Variants in TPRG1 observed in about 807,000 individuals in gnomAD.
TPRG1 encodes the protein tumor protein p63 regulated 1.
Under a neutral mutation model 29.3 loss-of-function variants are expected in TPRG1, and 29 were observed. The observed-to-expected ratio is 0.99, with a 90% CI of 0.74 to 1.35. TPRG1 has a LOEUF of 1.35. TPRG1 is among the 40% of genes most tolerant of loss of function. The probability of loss-of-function intolerance (pLI) is 0.00; values close to 1 mark genes in which losing one functional copy is unlikely to be tolerated. For missense variants in TPRG1, 327 were observed against 335.0 expected (o/e 0.98, Z 0.19); for synonymous variants, 130 against 116.8 (o/e 1.11, Z -0.73).
upstream of TPRG1, among the ~76,000 whole-genome samples, chr3:189,095,556 T>C (rs6805214): frequency 0.15 from 23,250 of 152,174 alleles, 3,276 homozygotes; most frequent in African/African-American, 0.38. Flanking sequence ...TGAATTACTC[T>C]CGTCTTCTCC....
At chr3:189,017,350 G>C (rs918224552) in intron 3 of TPRG1, among the ~76,000 whole-genome samples, 9 of 151,856 alleles carry the variant, frequency 5.9e-5, no homozygotes, top group Non-Finnish European at 1.0e-4. Flanking sequence ...TCTAGCATTA[G>C]GTATATCTCC....
chr3:189,006,153 C>T (rs1368584962), intron 3 of TPRG1, among the ~76,000 whole-genome samples: 1 of 151,908 alleles, frequency 6.6e-6, no homozygotes, highest in Non-Finnish European at 1.5e-5. Context: ...TTTCTCAATC[C>T]GCATGCAGCT....
chr3:189,174,303 T>TA (rs1729198194), intron 1 of TPRG1, among the ~76,000 whole-genome samples: 2 of 152,148 alleles, frequency 1.3e-5, no homozygotes, highest in African/African-American at 4.8e-5. Flanking sequence ...AAATTTCCTG[T>TA]AAAAAATCCA....
At chr3:189,215,707 C>T (rs952054284) in intron 3 of TPRG1, among the ~76,000 whole-genome samples, 5 of 152,072 alleles carry the variant, frequency 3.3e-5, no homozygotes, top group African/African-American at 1.2e-4. Context: ...AAAAGCACTC[C>T]CCCTATAAAC....
intron 4 of TPRG1, among the ~76,000 whole-genome samples, chr3:189,247,600 T>C (rs1285366459): frequency 6.6e-6 from 1 of 151,998 alleles, no homozygotes; most frequent in Non-Finnish European, 1.5e-5. Flanking sequence ...GGTTGTTTGT[T>C]TTTTTGGCAA....
Position 189,316,042 on chromosome 3 carries a change from A to G in TPRG1, c.634-4584A>G, listed in dbSNP as rs557903740. 8.3e-4 allele frequency among the ~76,000 whole-genome samples: 126 copies of G among 152,328 alleles called. 1 individual carries two copies. In the Middle Eastern group the frequency reaches 0.014, roughly 16 times the overall value. ...GAAACATGCTTAAAAGCTGCGAATT[A>G]CAAAGGTATACAAAATGTTCTCCGA... On this transcript the variant is annotated intron_variant, in intron 5 of 5. Coordinates refer to ENST00000345063, the MANE Select transcript of TPRG1 (RefSeq NM_198485.4).
intron 4 of TPRG1, among the ~76,000 whole-genome samples, chr3:189,084,944 A>G (rs958533861): frequency 7.9e-5 from 12 of 152,224 alleles, no homozygotes; most frequent in Non-Finnish European, 1.5e-4. Flanking sequence ...GATGCTTGAT[A>G]AAACATGTTA....
chr3:189,148,433 C>G (rs1725530567), intron 4 of TPRG1, among the ~76,000 whole-genome samples: 1 of 152,188 alleles, frequency 6.6e-6, no homozygotes, highest in South Asian at 2.1e-4. Flanking sequence ...AGCAGAGGAC[C>G]TCTCTCTGGG....
chr3:189,207,513 G>A lies in TPRG1; in HGVS notation c.129G>A (p.Arg43=), dbSNP rs1413694033. The A allele has an allele frequency of 2.2e-5, 36 of 1,614,006 alleles. No homozygotes were observed. The highest frequency in any genetic ancestry group is 2.6e-5 in the Non-Finnish European group (31 of 1,179,956). ...EEDPMPRQIS[R]QSSVTESTLY... ...ACCCGATGCCAAGACAGATTTCAAG[G>A]CAGTCAAGTGTGACCGAATCAACTC... is the stretch of plus-strand genomic sequence containing the variant. Residue 43 remains arginine (R), a synonymous_variant, in exon 2 of 6, where the codon AGG becomes AGA. Transcript: ENST00000345063.
At chr3:189,042,147 A>G (rs1352903084) in intron 4 of TPRG1, among the ~76,000 whole-genome samples, 5 of 152,034 alleles carry the variant, frequency 3.3e-5, no homozygotes, top group African/African-American at 9.7e-5. Flanking sequence ...AAATATCCTC[A>G]ATTTTAGAAA....
chr3:189,219,757 C>T (rs186250816), intron 3 of TPRG1: 138 of 1,118,130 alleles, frequency 1.2e-4, no homozygotes, highest in African/African-American at 1.2e-3. Context: ...TGGTGGTGGG[C>T]GATTGTTGTT....
intron 4 of TPRG1, among the ~76,000 whole-genome samples, chr3:189,273,404 A>G (rs1715556956): frequency 6.6e-6 from 1 of 152,136 alleles, no homozygotes. Flanking sequence ...AAAATACTGC[A>G]GAGAGTTTGA....
At chr3:189,084,011 C>T (rs1013692139) in intron 4 of TPRG1, among the ~76,000 whole-genome samples, 4 of 152,040 alleles carry the variant, frequency 2.6e-5, no homozygotes, top group African/African-American at 7.2e-5. Context: ...AACGGCTGGG[C>T]GTGGTGGCAC....
chr3:189,025,092 G>T (rs1356466581), intron 4 of TPRG1, among the ~76,000 whole-genome samples: 1 of 152,192 alleles, frequency 6.6e-6, no homozygotes, highest in Non-Finnish European at 1.5e-5. Context: ...TGCCTGAGAT[G>T]CCATCACCTT....
chr3:189,175,192 C>A (rs1164257284), intron 1 of TPRG1, among the ~76,000 whole-genome samples: 1 of 152,052 alleles, frequency 6.6e-6, no homozygotes, highest in Non-Finnish European at 1.5e-5. Context: ...ATATTGAGGT[C>A]TCACGAAGAA....
At chr3:189,201,110 T>C (rs527633920) in intron 1 of TPRG1, among the ~76,000 whole-genome samples, 2 of 152,330 alleles carry the variant, frequency 1.3e-5, no homozygotes, top group African/African-American at 4.8e-5. Context: ...GCTGGTGCCT[T>C]GATCTTGGAT....
At chr3:189,038,296 A>G (rs530151452) in intron 4 of TPRG1, among the ~76,000 whole-genome samples, 2 of 152,212 alleles carry the variant, frequency 1.3e-5, no homozygotes, top group South Asian at 2.1e-4. Flanking sequence ...ATTTATGCCT[A>G]TTGGCCTAGC....
At chr3:189,221,752 G>A (rs16864103) in intron 3 of TPRG1, among the ~76,000 whole-genome samples, 25,125 of 152,166 alleles carry the variant, frequency 0.17, 2,818 homozygotes, top group African/African-American at 0.33. Context: ...ACTGTGTGTG[G>A]TCGCTTTCAC....
At chr3:189,088,239 C>T (rs1043276788) in intron 4 of TPRG1, among the ~76,000 whole-genome samples, 3 of 152,044 alleles carry the variant, frequency 2.0e-5, no homozygotes, top group Admixed American at 6.5e-5. Flanking sequence ...AGTTGGATTC[C>T]TGGGTATTTT....
Sources: allele counts gnomAD v4.1 joint callset (sites outside exome capture counted in the v4.1 genomes callset), GRCh38; gene constraint gnomAD v4.1.1; transcripts MANE v1.5; gene names NCBI Gene and HGNC (gene_info 2026-07-23, HGNC 2026-07-21).